Variants in SLC22A31 observed in about 807,000 individuals in gnomAD.
SLC22A31 encodes the protein solute carrier family 22 member 31, also known as putative solute carrier family 22 member 31.
SLC22A31 carries 42 observed loss-of-function variants against 27.4 expected under a neutral mutation model. The observed-to-expected ratio is 1.53, with a 90% CI of 1.20 to 1.98. The LOEUF (loss-of-function observed/expected upper bound fraction) is 1.98. Ranked by LOEUF, SLC22A31 falls within the 30% of genes most tolerant of loss-of-function variation. The pLI is 0.00. For synonymous variants in SLC22A31, 290 were observed against 230.8 expected, an observed-to-expected ratio of 1.26 and a Z score of -2.33; for missense variants, 593 against 479.9, an observed-to-expected ratio of 1.24 and a Z score of -2.20.
Position 89,199,196 on chromosome 16 carries a change from G to A in SLC22A31, c.284-5C>T, listed in dbSNP as rs1440503020. The A allele has an allele frequency of 6.6e-7, 1 of 1,524,508 alleles. No individual in the cohort carries two copies. The highest frequency in any genetic ancestry group is 2.4e-5 in the East Asian group (1 of 40,818). The allele number at this position is 1,524,508 out of a possible 1,614,324, so 94.4% of individuals were successfully genotyped here. ...GAGGGTCACACAACTCCAGGCCTGGGCAGACACAGACAGGTTGAAGTGGAG... is the reference window on the plus strand; with the variant it reads ...GAGGGTCACACAACTCCAGGCCTGGACAGACACAGACAGGTTGAAGTGGAG... On this transcript the variant is annotated splice_region_variant and splice_polypyrimidine_tract_variant and intron_variant, in intron 3 of 8. Transcript: ENST00000682282.
chr16:89,195,966 T>C lies in SLC22A31; in HGVS notation c.*33A>G, dbSNP rs1915840903. 1 of 1,462,004 alleles carries C rather than the reference T, an allele frequency of 6.8e-7. No homozygotes were observed. Among genetic ancestry groups the C allele is most frequent in the Non-Finnish European group, 9.0e-7 (1 of 1,110,614 alleles). 90.6% of individuals were successfully genotyped at this position (1,462,004 alleles called of 1,614,324 possible). A position where few individuals can be genotyped will look rare whatever the true frequency, so the allele number is the denominator to read the frequency against. ...GCCATGCCCCAGGCCTTGACTTTGGTCCCATCCTGGCTCCCAGGGCCACCA... is the reference window on the plus strand; with the variant it reads ...GCCATGCCCCAGGCCTTGACTTTGGCCCCATCCTGGCTCCCAGGGCCACCA... On this transcript the variant is annotated 3_prime_UTR_variant, in exon 9 of 9. Coordinates refer to ENST00000682282, the MANE Select transcript of SLC22A31 (RefSeq NM_001384763.1).
In SLC22A31 at chr16:89,198,719, C is replaced by T; in HGVS notation, c.531G>A (p.Trp177Ter). The change falls in exon 5 of 9, where the codon TGG becomes TGA. Residue 177 changes from tryptophan to a stop codon, truncating the protein, a stop_gained. Coordinates refer to ENST00000682282, the MANE Select transcript of SLC22A31 (RefSeq NM_001384763.1). LOFTEE classifies it high-confidence loss of function. ...CCACGCCACTGGCTTCTGCAAAGCG[C>T]CACAGGATCTTCCTGGCTCGAGCTA... Reference protein sequence around the residue: ...GQVARARKILWRFAEASGVGP... With the variant: ...GQVARARKIL 6.5e-7 allele frequency: 1 copy of T among 1,535,766 alleles called. No homozygotes were observed. The highest frequency in any genetic ancestry group is 1.4e-5 in the African/African-American group (1 of 73,172).
Position 89,197,414 on chromosome 16 carries a change from G to C in SLC22A31, c.923-5C>G, listed in dbSNP as rs1158933718. ...GCACAGTCCAGCCTGGCAGATCTGG[G>C]GACAAAGAACAGGGGTTCCCAGGCT... On this transcript the variant is annotated splice_polypyrimidine_tract_variant and splice_region_variant and intron_variant, in intron 7 of 8. Transcript: ENST00000682282. 2.0e-6 allele frequency: 3 copies of C among 1,533,968 alleles called. No homozygotes were observed. The highest frequency in any genetic ancestry group is 2.6e-6 in the Non-Finnish European group (3 of 1,145,272).
At chr16:89,197,652 C>T (rs895527889) in intron 7 of SLC22A31, among the ~76,000 whole-genome samples, 19 of 152,200 alleles carry the variant, frequency 1.2e-4, no homozygotes, top group Admixed American at 9.2e-4. Context: ...CACCTCCACT[C>T]GGGCCCACGC....
chr16:89,198,987 G>A (rs927055201), intron 4 of SLC22A31, 36 bp downstream of exon 4: 34 of 1,527,556 alleles, frequency 2.2e-5, no homozygotes, highest in Non-Finnish European at 2.8e-5. Context: ...AGTCAGCCCC[G>A]ATGAGGGCTG....
upstream of SLC22A31, among the ~76,000 whole-genome samples, chr16:89,200,642 G>A (rs1161281431): frequency 6.6e-6 from 1 of 152,176 alleles, no homozygotes; most frequent in Non-Finnish European, 1.5e-5. Flanking sequence ...CCACACTGGG[G>A]CCAGTCCTCC....
At chr16:89,197,554 G>A (rs1916077622) in intron 7 of SLC22A31, 145 bp from the exon 8 acceptor site, 2 of 614,318 alleles carry the variant, frequency 3.3e-6, no homozygotes, top group South Asian at 2.0e-5. Flanking sequence ...AAACCTGGAG[G>A]GGGAACCTGT....
rs1042306851 is a variant in SLC22A31 at position 89,196,275 on chromosome 16, G to A, written c.1065C>T (p.Ala355=). ...RGAGLGLVLG[A]GFLGQAAGPL... ...GGCCGGCTGCCTGGCCCAGGAACCC[G>A]GCCCCCAGCACCAGGCCCAGCCCGG... Residue 355 remains alanine, a synonymous_variant, in exon 9 of 9, where the codon GCC becomes GCT. Transcript: ENST00000682282. The A allele has an allele frequency of 5.2e-6, 8 of 1,530,130 alleles. No homozygotes were observed. In the Admixed American group the frequency reaches 5.9e-5, roughly 11 times the overall value. 94.8% of individuals were successfully genotyped at this position (1,530,130 alleles called of 1,614,324 possible).
chr16:89,199,127 C>G lies in SLC22A31; in HGVS notation c.348G>C (p.Val116=). 6.5e-7 allele frequency: 1 copy of G among 1,535,468 alleles called. No homozygotes were observed. Among genetic ancestry groups the G allele is most frequent in the African/African-American group, 1.4e-5 (1 of 73,138 alleles). ...GGCCGGGCAGCAGCAGGGTGCCCACCACCGAGAAAAGGCCAGCCCCCATGG... is the reference window on the plus strand; with the variant it reads ...GGCCGGGCAGCAGCAGGGTGCCCACGACCGAGAAAAGGCCAGCCCCCATGG... The part of the protein sequence containing the change: ...AFSMGAGLFS[V]VGTLLLPGLA... Residue 116 remains valine, a synonymous_variant, in exon 4 of 9, where the codon GTG becomes GTC. Coordinates refer to ENST00000682282, the MANE Select transcript of SLC22A31 (RefSeq NM_001384763.1).
At chr16:89,196,971 A>C (rs1046185127) in intron 8 of SLC22A31, among the ~76,000 whole-genome samples, 5 of 150,890 alleles carry the variant, frequency 3.3e-5, no homozygotes, top group Non-Finnish European at 7.4e-5. Context: ...AAGAAGAAGA[A>C]GATCGAAAAG....
At chr16:89,198,398 C>G in intron 6 of SLC22A31, 44 bp downstream of exon 6, 1 of 1,529,470 alleles carries the variant, frequency 6.5e-7, no homozygotes, top group Non-Finnish European at 8.8e-7. Context: ...ACCATATGCC[C>G]ACCCCGGGGG....
At chr16:89,197,468 T>A (rs1199549197) in intron 7 of SLC22A31, 59 bp from the exon 8 acceptor site, 5 of 1,234,344 alleles carry the variant, frequency 4.1e-6, no homozygotes, top group Non-Finnish European at 5.7e-6. Context: ...CCCTGGCCAC[T>A]CAGGGCCCTT....
In SLC22A31 at chr16:89,197,984, T is replaced by A. The variant is rs965683060; in HGVS notation, c.922+138A>T. ...GATCCTTTTGGGCCTTCCACAAGGA[T>A]CAGAGGAAAACAAACAGCAGCTGGC... is the stretch of plus-strand genomic sequence containing the variant. On this transcript the variant is annotated intron_variant, in intron 7 of 8. Transcript: ENST00000682282. 3.1e-5 allele frequency: 29 copies of A among 930,488 alleles called. No individual in the cohort carries two copies. In the Admixed American group the frequency reaches 7.9e-4, roughly 25 times the overall value. The allele number at this position is 930,488 out of a possible 1,614,324, so 57.6% of individuals were successfully genotyped here. A position where few individuals can be genotyped will look rare whatever the true frequency, so the allele number is the denominator to read the frequency against.
chr16:89,195,870 C>G lies in SLC22A31; in HGVS notation c.*129G>C. ...AGACACCTTCACGCTGTCCCCACGG[C>G]TCCACCTGCACTGAGACACGGGCTT... On this transcript the variant is annotated 3_prime_UTR_variant, in exon 9 of 9. Transcript: ENST00000682282. 8 of 1,138,142 alleles carry G rather than the reference C, an allele frequency of 7.0e-6. No individual in the cohort carries two copies. The highest frequency in any genetic ancestry group is 8.4e-6 in the Non-Finnish European group (7 of 838,226). 70.5% of individuals were successfully genotyped at this position (1,138,142 alleles called of 1,614,324 possible). A position where few individuals can be genotyped will look rare whatever the true frequency, so the allele number is the denominator to read the frequency against.
At position 89,197,298 on chromosome 16, in the gene SLC22A31, C is replaced by T. The variant is rs1224775060; in HGVS notation, c.1034G>A (p.Arg345Lys). Residue 345 changes from arginine (R) to lysine (K), a missense_variant and splice_region_variant, in exon 8 of 9, where the codon AGG becomes AAG. Physicochemically the swap from Arg to Lys is conservative, Grantham distance 26. Transcript: ENST00000682282. ...GTGGCCGGGCAACCCTGAAGCTCAC[C>T]TGATCACCGTGGGGAAGACCTCGGC... ...FAAEVFPTVI[R>K]GAGLGLVLGA... The T allele has an allele frequency of 2.0e-6, 3 of 1,535,404 alleles. No individual in the cohort carries two copies. The Admixed American group carries it at 5.9e-5, about 30-fold the overall frequency.
intron 4 of SLC22A31, 65 bp downstream of exon 4, chr16:89,198,958 G>A (rs1916271306): frequency 6.6e-7 from 1 of 1,513,508 alleles, no homozygotes; most frequent in Non-Finnish European, 8.8e-7. Context: ...GGATACGTCG[G>A]TGCAGAGGGA....
Position 89,197,894 on chromosome 16 carries a change from C to T in SLC22A31, c.922+228G>A, listed in dbSNP as rs571641282. 5.5e-4 allele frequency among the ~76,000 whole-genome samples: 84 copies of T among 152,346 alleles called. 2 individuals are homozygous for T. In the South Asian group the frequency reaches 0.016, roughly 30 times the overall value. On this transcript the variant is annotated intron_variant, in intron 7 of 8. Transcript: ENST00000682282. ...CTCTTGACCTCTCATGCCTGTGCTG[C>T]ACTCTGTGGCTGGGGCAGGTGTTTT...
In SLC22A31 at chr16:89,198,345, G is replaced by A. The variant is rs1438074046; in HGVS notation, c.708-9C>T. On this transcript the variant is annotated splice_polypyrimidine_tract_variant and intron_variant, in intron 6 of 8. Transcript: ENST00000682282. ...TGCCTCCACCAACCAGCCTGGGAGA[G>A]AGAGCAAATCTATGGGCCCAGCCAG... The A allele has an allele frequency of 1.3e-5, 20 of 1,535,712 alleles. No homozygotes were observed. Among genetic ancestry groups the A allele is most frequent in the Admixed American group, 2.0e-5 (1 of 50,968 alleles).
upstream of SLC22A31, chr16:89,201,642 A>G: frequency 5.0e-6 from 2 of 397,358 alleles, no homozygotes; most frequent in Non-Finnish European, 8.9e-6. Flanking sequence ...CGCAGCTCTC[A>G]GCACCCGCGC....
Sources: gnomAD v4.1 joint callset for allele counts (sites outside exome capture counted in the v4.1 genomes callset) on GRCh38, gnomAD v4.1.1 for gene constraint, MANE v1.5 for transcripts, NCBI Gene and HGNC (gene_info 2026-07-23, HGNC 2026-07-21) for gene names.